The following C1QTNF3 variants were observed in gnomAD, a reference collection of about 807,000 sequenced individuals.
The protein encoded by C1QTNF3 is complement C1q tumor necrosis factor-related protein 3.
Under a neutral mutation model 32.6 loss-of-function variants are expected in C1QTNF3, and 26 were observed. The ratio of observed to expected loss-of-function variants is 0.80; its 90% CI spans 0.58 to 1.11. The LOEUF (loss-of-function observed/expected upper bound fraction) is 1.11, where lower values mean the gene tolerates loss of function less well. Among genes scored for constraint, C1QTNF3 ranks in the 50% least tolerant of loss-of-function variants. C1QTNF3 has a pLI of 0.00. For missense variants in C1QTNF3, 362 were observed against 398.2 expected, an observed-to-expected ratio of 0.91 and a Z score of 0.77; for synonymous variants, 155 against 146.0, an observed-to-expected ratio of 1.06 and a Z score of -0.44.
chr5:34,056,480 A>ATATATATATG, the C1QTNF3 span, among the ~76,000 whole-genome samples: 1 of 21,742 alleles, frequency 4.6e-5, no homozygotes, highest in Non-Finnish European at 1.2e-4. Flanking sequence ...ATATATATAT[A>ATATATATATG]GAGAGAGAGA....
chr5:34,240,481 T>C, the C1QTNF3 span, among the ~76,000 whole-genome samples: 1 of 150,678 alleles, frequency 6.6e-6, no homozygotes, highest in Non-Finnish European at 1.5e-5. Context: ...CCTCAGAGAA[T>C]ACTAGGAATA....
chr5:34,133,964 ATGAG>A, the C1QTNF3 span, among the ~76,000 whole-genome samples: 4 of 152,320 alleles, frequency 2.6e-5, no homozygotes, highest in South Asian at 2.1e-4. Context: ...GACTATCCAA[ATGAG>A]TGAGTGTTTG....
At chr5:34,140,333 G>T in the C1QTNF3 span, among the ~76,000 whole-genome samples, 2 of 152,140 alleles carry the variant, frequency 1.3e-5, no homozygotes, top group Non-Finnish European at 2.9e-5. Context: ...AAAGAATACT[G>T]TCCCATTATC....
the C1QTNF3 span, among the ~76,000 whole-genome samples, chr5:34,093,907 GCTGCTTCATCA>G: frequency 6.6e-6 from 1 of 152,138 alleles, no homozygotes; most frequent in African/African-American, 2.4e-5. Context: ...TCTGCTAACA[GCTGCTTCATCA>G]CTCAATAAAA....
the C1QTNF3 span, among the ~76,000 whole-genome samples, chr5:34,139,294 G>A: frequency 2.9e-3 from 445 of 151,978 alleles, 5 homozygotes; most frequent in African/African-American, 0.01. Flanking sequence ...TAAGTTAAAA[G>A]TAAAATATTA....
chr5:34,135,245 C>G, the C1QTNF3 span, among the ~76,000 whole-genome samples: 4 of 152,164 alleles, frequency 2.6e-5, no homozygotes, highest in African/African-American at 9.7e-5. Flanking sequence ...GTTGAACCAG[C>G]CTTGCATCCC....
At chr5:34,059,717 A>G in the C1QTNF3 span, among the ~76,000 whole-genome samples, 1 of 152,174 alleles carries the variant, frequency 6.6e-6, no homozygotes, top group East Asian at 1.9e-4. Flanking sequence ...AAATACAAAC[A>G]TTCAGTCCAT....
At chr5:34,073,281 C>T in the C1QTNF3 span, among the ~76,000 whole-genome samples, 5 of 150,852 alleles carry the variant, frequency 3.3e-5, no homozygotes, top group East Asian at 9.8e-4. Flanking sequence ...GAGCCGAGAT[C>T]GCGCCACTGC....
intron 3 of C1QTNF3, 43 bp downstream of exon 3, chr5:34,033,261 G>A: frequency 6.2e-7 from 1 of 1,601,026 alleles, no homozygotes; most frequent in Non-Finnish European, 8.5e-7. Context: ...TTTTGGTCAG[G>A]CAGGTTGGAA....
At chr5:34,069,501 T>A in the C1QTNF3 span, among the ~76,000 whole-genome samples, 3 of 152,192 alleles carry the variant, frequency 2.0e-5, no homozygotes, top group Non-Finnish European at 4.4e-5. Flanking sequence ...ATAAACAAAT[T>A]AATGAATGGC....
chr5:34,056,713 G>T, the C1QTNF3 span, among the ~76,000 whole-genome samples: 24 of 151,786 alleles, frequency 1.6e-4, no homozygotes, highest in Non-Finnish European at 3.1e-4. Flanking sequence ...GTCTCACTAT[G>T]TTGCCCAGGC....
the C1QTNF3 span, among the ~76,000 whole-genome samples, chr5:34,058,100 T>C: frequency 3.4e-4 from 51 of 152,166 alleles, no homozygotes; most frequent in African/African-American, 1.2e-3. Context: ...AGACACTCTG[T>C]TGTTACAGCA....
chr5:34,213,786 C>CATATATATACACATATAT, the C1QTNF3 span, among the ~76,000 whole-genome samples: 1 of 15,458 alleles, frequency 6.5e-5, no homozygotes, highest in Admixed American at 2.2e-3. Context: ...TGTATATATA[C>CATATATATACACATATAT]ATATATATAT....
the C1QTNF3 span, among the ~76,000 whole-genome samples, chr5:34,205,590 G>A: frequency 1.3e-5 from 2 of 151,996 alleles, no homozygotes; most frequent in South Asian, 2.1e-4. Context: ...ATGACTGTAT[G>A]TTTTCTGAGG....
the C1QTNF3 span, among the ~76,000 whole-genome samples, chr5:34,195,772 G>A: frequency 7.9e-5 from 12 of 152,170 alleles, no homozygotes; most frequent in Admixed American, 3.9e-4. Flanking sequence ...CCCAGGAGGC[G>A]GAGCTTGTAG....
the C1QTNF3 span, chr5:34,166,579 C>G: frequency 1.3e-5 from 2 of 152,080 alleles, no homozygotes; most frequent in Non-Finnish European, 2.9e-5. Context: ...CTTATAATAG[C>G]ATACTTCAAC....
the C1QTNF3 span, among the ~76,000 whole-genome samples, chr5:34,224,980 A>G: frequency 1.3e-5 from 2 of 152,166 alleles, no homozygotes; most frequent in African/African-American, 2.4e-5. Context: ...ACCTCATCAA[A>G]AAGTGGGCGA....
the C1QTNF3 span, among the ~76,000 whole-genome samples, chr5:34,207,895 C>A: frequency 6.6e-6 from 1 of 151,968 alleles, no homozygotes; most frequent in East Asian, 1.9e-4. Flanking sequence ...TCACGCCATT[C>A]TCCTGCCTCA....
At chr5:34,048,285 T>TGTGTGTGCGC in the C1QTNF3 span, among the ~76,000 whole-genome samples, 29 of 98,406 alleles carry the variant, frequency 2.9e-4, no homozygotes, top group African/African-American at 9.1e-4. Context: ...TGTGTGTGTG[T>TGTGTGTGCGC]GCATGAGAGA....
Sources: allele counts gnomAD v4.1 joint callset (sites outside exome capture counted in the v4.1 genomes callset), GRCh38; gene constraint gnomAD v4.1.1; transcripts MANE v1.5; gene names NCBI Gene and HGNC (gene_info 2026-07-23, HGNC 2026-07-21).